Variants in ANO4 observed in about 807,000 individuals in gnomAD.
ANO4 encodes anoctamin-4.
In ANO4, 69 loss-of-function variants were observed where a neutral mutation model predicts 141.9. That is an observed-to-expected ratio of 0.49 (90% CI 0.40 to 0.59). The LOEUF (loss-of-function observed/expected upper bound fraction) is 0.59, where lower values mean the gene tolerates loss of function less well. Among genes scored for constraint, ANO4 ranks in the 20% least tolerant of loss-of-function variants. ANO4 has a pLI of 0.00. For missense variants in ANO4, 894 were observed against 1,162.2 expected, an observed-to-expected ratio of 0.77 and a Z score of 3.36; for synonymous variants, 350 against 394.3, an observed-to-expected ratio of 0.89 and a Z score of 1.33.
chr12:100,902,336 T>C (rs1384002275), intron 2 of ANO4, among the ~76,000 whole-genome samples: 1 of 152,176 alleles, frequency 6.6e-6, no homozygotes, highest in East Asian at 1.9e-4. Flanking sequence ...TGTGATCTCT[T>C]TAAAATATTA....
intron 1 of ANO4, among the ~76,000 whole-genome samples, chr12:100,819,230 T>G: frequency 6.6e-6 from 1 of 151,846 alleles, no homozygotes; most frequent in East Asian, 1.9e-4. Context: ...GTACTTTTTC[T>G]AATTCAGCAT....
At chr12:101,095,145 A>T (rs113308316) in intron 18 of ANO4, among the ~76,000 whole-genome samples, 1 of 150,728 alleles carries the variant, frequency 6.6e-6, no homozygotes, top group Non-Finnish European at 1.5e-5. Flanking sequence ...AAAACTCACA[A>T]AAGTGTTCCT....
At chr12:100,989,975 AGATG>A (rs58082088) in intron 8 of ANO4, among the ~76,000 whole-genome samples, 2,480 of 131,808 alleles carry the variant, frequency 0.019, 52 homozygotes, top group African/African-American at 0.06. Flanking sequence ...ATAGGTCACC[AGATG>A]GATGGATGGA....
rs1382986708 is a variant in ANO4 at position 100,974,944 on chromosome 12, C to G, written c.602+55C>G. ...TTGTCTTTCTGTTGGCCCGTGTGCT[C>G]CAACAATGACAAGGAGCTATAAGCT... On this transcript the variant is annotated intron_variant, in intron 7 of 27. Transcript: ENST00000392977. 13 of 1,586,252 alleles carry G rather than the reference C, an allele frequency of 8.2e-6. No individual in the cohort carries two copies. In the Admixed American group the frequency reaches 2.2e-4, roughly 26 times the overall value.
intron 5 of ANO4, among the ~76,000 whole-genome samples, chr12:100,946,855 G>C (rs183957646): frequency 1.3e-3 from 196 of 152,304 alleles, no homozygotes; most frequent in Non-Finnish European, 2.0e-3. Flanking sequence ...AGTCACCAAG[G>C]AGCTAGAAGG....
rs111341124 is a variant in ANO4 at position 100,739,534 on chromosome 12, A to G, written c.107-320A>G. 8.6e-3 allele frequency among the ~76,000 whole-genome samples: 1,313 copies of G among 152,250 alleles called. 11 individuals are homozygous for G. Among genetic ancestry groups the G allele is most frequent in the Non-Finnish European group, 0.013 (880 of 68,026 alleles). On this transcript the variant is annotated intron_variant, in intron 2 of 29. Coordinates refer to the ANO4 transcript ENST00000644049. ...TGTACAATTGCTGTGAGGATTCTAG[A>G]TCAGTTCTGCAGTTTCTATCTTATA...
chr12:100,841,623 A>G (rs1474142301), intron 1 of ANO4, among the ~76,000 whole-genome samples: 1 of 152,168 alleles, frequency 6.6e-6, no homozygotes, highest in Non-Finnish European at 1.5e-5. Context: ...GGAGCATAGG[A>G]AGATCCAGGG....
intron 1 of ANO4, among the ~76,000 whole-genome samples, chr12:100,861,285 C>T (rs978773977): frequency 1.3e-5 from 2 of 152,162 alleles, no homozygotes; most frequent in Admixed American, 6.5e-5. Flanking sequence ...CTTCACCTCT[C>T]AACAGTGTGT....
At chr12:100,758,412 G>A (rs929057151) in intron 3 of ANO4, among the ~76,000 whole-genome samples, 2 of 152,194 alleles carry the variant, frequency 1.3e-5, no homozygotes, top group African/African-American at 4.8e-5. Flanking sequence ...TCTGGAGCCA[G>A]CAAAGCAAGG....
intron 26 of ANO4, among the ~76,000 whole-genome samples, chr12:101,124,989 T>G (rs569113753): frequency 8.5e-5 from 13 of 152,370 alleles, no homozygotes; most frequent in African/African-American, 2.9e-4. Context: ...TTAAAAGAGT[T>G]TCTTCTAATT....
At chr12:100,994,569 A>G (rs747824264) in intron 8 of ANO4, among the ~76,000 whole-genome samples, 1 of 152,220 alleles carries the variant, frequency 6.6e-6, no homozygotes, top group African/African-American at 2.4e-5. Flanking sequence ...ATATAGACAG[A>G]AAAATGTTCT....
intron 22 of ANO4, among the ~76,000 whole-genome samples, chr12:101,104,165 A>T (rs2136982366): frequency 6.6e-6 from 1 of 152,046 alleles, no homozygotes; most frequent in African/African-American, 2.4e-5. Flanking sequence ...AATCTTTTCA[A>T]AAGAAAAACT....
chr12:100,949,558 G>A (rs1367528600), intron 5 of ANO4, among the ~76,000 whole-genome samples: 6 of 151,996 alleles, frequency 3.9e-5, no homozygotes, highest in Non-Finnish European at 8.8e-5. Flanking sequence ...TTATCATAAC[G>A]GCTAAATACA....
intron 1 of ANO4, among the ~76,000 whole-genome samples, chr12:100,802,277 T>G (rs548060279): frequency 2.6e-5 from 4 of 152,336 alleles, no homozygotes; most frequent in Admixed American, 6.5e-5. Flanking sequence ...ACCAGTGAGA[T>G]ATGCATGTGT....
chr12:100,912,533 CA>C (rs561298446), intron 2 of ANO4, among the ~76,000 whole-genome samples: 1 of 143,984 alleles, frequency 6.9e-6, no homozygotes. Flanking sequence ...GACTCCGTCT[CA>C]AAAAAAAAAC....
chr12:100,995,180 A>T (rs1160694177), intron 8 of ANO4, among the ~76,000 whole-genome samples: 3 of 152,164 alleles, frequency 2.0e-5, no homozygotes, highest in Non-Finnish European at 4.4e-5. Context: ...TGTATTTCCA[A>T]AAGACAGTGT....
intron 11 of ANO4, among the ~76,000 whole-genome samples, chr12:101,041,113 A>T (rs1476461145): frequency 6.6e-6 from 1 of 152,168 alleles, no homozygotes; most frequent in African/African-American, 2.4e-5. Context: ...CATTTCCTGG[A>T]TTCCTTATTA....
At chr12:100,838,049 G>A (rs1461308043) in intron 1 of ANO4, among the ~76,000 whole-genome samples, 1 of 151,950 alleles carries the variant, frequency 6.6e-6, no homozygotes, top group Non-Finnish European at 1.5e-5. Context: ...CCATGGTAGG[G>A]GGCATAGTGG....
chr12:101,053,573 T>A (rs986554380), intron 14 of ANO4, among the ~76,000 whole-genome samples: 14 of 152,184 alleles, frequency 9.2e-5, no homozygotes, highest in African/African-American at 3.4e-4. Context: ...GGTTTGTAGA[T>A]GCATCACTCC....
Sources: gnomAD v4.1 joint callset for allele counts (sites outside exome capture counted in the v4.1 genomes callset) on GRCh38, gnomAD v4.1.1 for gene constraint, MANE v1.5 for transcripts, NCBI Gene and HGNC (gene_info 2026-07-23, HGNC 2026-07-21) for gene names.